The following SV2B variants were observed in gnomAD, a reference collection of about 807,000 sequenced individuals.
SV2B encodes solute carrier family 22 member B2.
SV2B carries 41 observed loss-of-function variants against 73.9 expected under a neutral mutation model. The observed-to-expected ratio is 0.56, with a 90% CI of 0.43 to 0.72. The LOEUF (loss-of-function observed/expected upper bound fraction) is 0.72. SV2B is among the 30% of genes least tolerant of loss of function. The probability of loss-of-function intolerance (pLI) is 0.00; values close to 1 mark genes in which losing one functional copy is unlikely to be tolerated. For missense variants in SV2B, 764 were observed against 857.8 expected (o/e 0.89, Z 1.37); for synonymous variants, 314 against 314.2 (o/e 1.00, Z 0.01).
At chr15:91,114,110 G>A (rs182220095) in intron 1 of SV2B, among the ~76,000 whole-genome samples, 1 of 148,326 alleles carries the variant, frequency 6.7e-6, no homozygotes, top group African/African-American at 2.5e-5. Flanking sequence ...TGCGAACCCA[G>A]GAGGCGGAGC....
In SV2B at chr15:91,136,755, G is replaced by A. The variant is rs962421621; in HGVS notation, c.-392+36392G>A. Among the ~76,000 whole-genome samples the A allele has an allele frequency of 6.6e-6, 1 of 152,086 alleles. No individual in the cohort carries two copies. The highest frequency in any genetic ancestry group is 2.4e-5 in the African/African-American group (1 of 41,414). On this transcript the variant is annotated intron_variant, in intron 1 of 12. Transcript: ENST00000394232. This position sits in a 1 kb window ranked among gnomAD's most constrained non-coding sequence, Gnocchi z 5.6. ...CAGGGAGGAGGGGGTGGTGACAGCC[G>A]GGTTGACCAGCTCTCCTGCTGTGCC...
At chr15:91,161,321 A>C (rs1300599582) in intron 1 of SV2B, among the ~76,000 whole-genome samples, 1 of 152,336 alleles carries the variant, frequency 6.6e-6, no homozygotes, top group East Asian at 1.9e-4. Context: ...TTAATCAACT[A>C]TTAAAAATGT....
At chr15:91,274,915 T>C (rs1435772032) in intron 9 of SV2B, among the ~76,000 whole-genome samples, 1 of 152,192 alleles carries the variant, frequency 6.6e-6, no homozygotes. Context: ...ATAGTAGTCT[T>C]TGTTCTAAGT....
chr15:91,219,040 G>A lies in SV2B; in HGVS notation c.-391-6833G>A, dbSNP rs555051385. 9.2e-5 allele frequency among the ~76,000 whole-genome samples: 14 copies of A among 152,232 alleles called. No homozygotes were observed. The South Asian group carries it at 2.9e-3, about 32-fold the overall frequency. On this transcript the variant is annotated intron_variant, in intron 1 of 12. Coordinates refer to ENST00000394232, the MANE Select transcript of SV2B (RefSeq NM_001323032.3). ...TGCAACCTCCGCCTCCCGGGTTCAA[G>A]CCACTCAAGCCATCCTCCCTGCCTC...
chr15:91,124,389 C>T lies in SV2B; in HGVS notation c.-392+24026C>T, dbSNP rs997481889. On this transcript the variant is annotated intron_variant, in intron 1 of 12. Coordinates refer to ENST00000394232, the MANE Select transcript of SV2B (RefSeq NM_001323032.3). The surrounding 1 kb of genome is among the most constrained non-coding windows in gnomAD (Gnocchi z 4.6). Reference sequence around the variant, plus strand: ...GCACCTCCTTCCTCAGGAAGTGAGACACCTGCAACCGAGTGTGAGGTGCAG... The same window carrying T: ...GCACCTCCTTCCTCAGGAAGTGAGATACCTGCAACCGAGTGTGAGGTGCAG... 4.6e-5 allele frequency among the ~76,000 whole-genome samples: 7 copies of T among 152,094 alleles called. No homozygotes were observed. Among genetic ancestry groups the T allele is most frequent in the Admixed American group, 3.9e-4 (6 of 15,272 alleles).
rs1323353529 is a variant in SV2B at position 91,299,380 on chromosome 15, G to A, written c.*6828G>A. 3 of 152,126 alleles carry A rather than the reference G, an allele frequency of 2.0e-5. No individual in the cohort carries two copies. The highest frequency in any genetic ancestry group is 7.2e-5 in the African/African-American group (3 of 41,422). 9.4% of individuals were successfully genotyped at this position (152,126 alleles called of 1,614,324 possible). A position where few individuals can be genotyped will look rare whatever the true frequency, so the allele number is the denominator to read the frequency against. On this transcript the variant is annotated 3_prime_UTR_variant, in exon 13 of 13. Coordinates refer to ENST00000394232, the MANE Select transcript of SV2B (RefSeq NM_001323032.3). ...GACAAAACAATACTTCTTTAAAAATGTATTTTATGATCTATTTATTGATAT... is the reference window on the plus strand; with the variant it reads ...GACAAAACAATACTTCTTTAAAAATATATTTTATGATCTATTTATTGATAT...
chr15:91,225,226 G>A (rs1256090536), intron 1 of SV2B, among the ~76,000 whole-genome samples: 1 of 152,230 alleles, frequency 6.6e-6, no homozygotes, highest in African/African-American at 2.4e-5. Flanking sequence ...GCCTGTTTAA[G>A]CCTCATATGA....
chr15:91,167,888 CAGTA>C (rs2043970820), intron 1 of SV2B, among the ~76,000 whole-genome samples: 1 of 152,254 alleles, frequency 6.6e-6, no homozygotes, highest in South Asian at 2.1e-4. Flanking sequence ...GTAATCAACT[CAGTA>C]AGTAAGGTTC....
Position 91,301,463 on chromosome 15 carries a change from G to T in SV2B, c.*8911G>T, listed in dbSNP as rs1037764612. Among the ~76,000 whole-genome samples, 5 of 152,190 alleles carry T rather than the reference G, an allele frequency of 3.3e-5. No individual in the cohort carries two copies. Among genetic ancestry groups the T allele is most frequent in the African/African-American group, 1.2e-4 (5 of 41,448 alleles). On this transcript the variant is annotated 3_prime_UTR_variant, in exon 13 of 13. Coordinates refer to ENST00000394232, the MANE Select transcript of SV2B (RefSeq NM_001323032.3). The surrounding 1 kb of genome is among the most constrained non-coding windows in gnomAD (Gnocchi z 4.3). ...AAATAGTAGTAACAGTTGATCTGGT[G>T]ATTGGTGAATACAGTTTAATCTTTA...
chr15:91,145,936 T>C (rs111998945), intron 1 of SV2B, among the ~76,000 whole-genome samples: 20 of 152,346 alleles, frequency 1.3e-4, no homozygotes, highest in African/African-American at 4.6e-4. Context: ...GTAGGTTGTC[T>C]GTTCATTCTG....
At chr15:91,243,245 A>G (rs1411738239) in intron 2 of SV2B, among the ~76,000 whole-genome samples, 2 of 152,152 alleles carry the variant, frequency 1.3e-5, no homozygotes, top group Non-Finnish European at 1.5e-5. Context: ...CAGGAGAGCT[A>G]TCAGAGGTGT....
rs1434386548 is a variant in SV2B, at chr15:91,251,947, T to G, written c.580T>G (p.Phe194Val). The change falls in exon 3 of 13, where the codon TTC becomes GTC. Residue 194 changes from phenylalanine (F) to valine (V), a missense_variant. Coordinates refer to ENST00000394232, the MANE Select transcript of SV2B (RefSeq NM_001323032.3). ...VNASFASLSSFVQGYGAFLFC... is the reference protein window; with the variant it reads ...VNASFASLSSVVQGYGAFLFC... ...TGCCTCCTTCGCCTCCCTCTCTTCCTTCGTGCAGGGATATGGAGCCTTCCT... is the reference window on the plus strand; with the variant it reads ...TGCCTCCTTCGCCTCCCTCTCTTCCGTCGTGCAGGGATATGGAGCCTTCCT... 6.2e-7 allele frequency: 1 copy of G among 1,614,018 alleles called. No individual in the cohort carries two copies. Among genetic ancestry groups the G allele is most frequent in the African/African-American group, 1.3e-5 (1 of 74,910 alleles).
intron 9 of SV2B, among the ~76,000 whole-genome samples, chr15:91,279,818 T>C (rs1270550371): frequency 6.6e-6 from 1 of 152,240 alleles, no homozygotes; most frequent in Admixed American, 6.5e-5. Flanking sequence ...TAAACACGTC[T>C]AGCTTATACA....
rs150433224 is a variant in SV2B at position 91,250,768 on chromosome 15, A to G, written c.452-1051A>G. ...TTAATCAAAGAAATGAAAGGTCTTTATACTGAAAACTATAAGACATTGATG... is the reference window on the plus strand; with the variant it reads ...TTAATCAAAGAAATGAAAGGTCTTTGTACTGAAAACTATAAGACATTGATG... On this transcript the variant is annotated intron_variant, in intron 2 of 12. Coordinates refer to ENST00000394232, the MANE Select transcript of SV2B (RefSeq NM_001323032.3). Among the ~76,000 whole-genome samples the G allele has an allele frequency of 3.1e-3, 467 of 152,352 alleles. 1 individual carries two copies. Among genetic ancestry groups the G allele is most frequent in the Middle Eastern group, 0.017 (5 of 294 alleles).
At chr15:91,127,054 T>A (rs935667918) in intron 1 of SV2B, among the ~76,000 whole-genome samples, 5 of 152,260 alleles carry the variant, frequency 3.3e-5, no homozygotes, top group African/African-American at 1.2e-4. Context: ...ACTAGCTGTG[T>A]AATTTTGGGC....
intron 1 of SV2B, among the ~76,000 whole-genome samples, chr15:91,120,874 A>G (rs564919813): frequency 2.0e-5 from 3 of 152,222 alleles, no homozygotes; most frequent in African/African-American, 7.2e-5. Context: ...ACTTAATACA[A>G]TCTAGGCTTT....
At position 91,245,051 on chromosome 15, in the gene SV2B, G is replaced by C. The variant is rs559258729; in HGVS notation, c.452-6768G>C. On this transcript the variant is annotated intron_variant, in intron 2 of 12. Transcript: ENST00000394232. This position sits in a 1 kb window ranked among gnomAD's most constrained non-coding sequence, Gnocchi z 4.2. Reference sequence around the variant, plus strand: ...AAATAAAGAAGCTCACCCAGTCAGGGCCTCTTCTTTCTTGTCACCACGGTA... The same window carrying C: ...AAATAAAGAAGCTCACCCAGTCAGGCCCTCTTCTTTCTTGTCACCACGGTA... 4.6e-5 allele frequency among the ~76,000 whole-genome samples: 7 copies of C among 152,298 alleles called. No homozygotes were observed. In the South Asian group the frequency reaches 6.2e-4, roughly 14 times the overall value.
chr15:91,244,431 T>C (rs1025815998), intron 2 of SV2B, among the ~76,000 whole-genome samples: 2 of 152,224 alleles, frequency 1.3e-5, no homozygotes, highest in Non-Finnish European at 2.9e-5. Context: ...CATAAAAGAC[T>C]AGAAAAGTCG....
intron 9 of SV2B, among the ~76,000 whole-genome samples, chr15:91,276,404 C>T (rs1039975335): frequency 3.3e-5 from 5 of 151,942 alleles, no homozygotes; most frequent in East Asian, 1.9e-4. Flanking sequence ...TTTCCAAATA[C>T]TTCTTCTTTC....
Sources: allele counts gnomAD v4.1 joint callset (sites outside exome capture counted in the v4.1 genomes callset), GRCh38; gene constraint gnomAD v4.1.1; non-coding constraint Gnocchi (gnomAD v3.1); transcripts MANE v1.5; gene names NCBI Gene and HGNC (gene_info 2026-07-23, HGNC 2026-07-21).